Variants in NTNG1 observed in about 807,000 individuals in gnomAD.
The protein encoded by NTNG1 is netrin-G1.
In NTNG1, 16 loss-of-function variants were observed where a neutral mutation model predicts 54.0. The observed-to-expected ratio is 0.30, with a 90% CI of 0.20 to 0.45. NTNG1 has a LOEUF of 0.45. NTNG1 is among the 20% of genes least tolerant of loss of function. NTNG1 has a pLI of 1.00. For missense variants in NTNG1, 530 were observed against 678.7 expected, an observed-to-expected ratio of 0.78 and a Z score of 2.43; for synonymous variants, 255 against 263.1, an observed-to-expected ratio of 0.97 and a Z score of 0.30.
At position 107,190,297 on chromosome 1, in the gene NTNG1, G is replaced by A. The variant is rs575784379; in HGVS notation, c.246+41458G>A. Among the ~76,000 whole-genome samples, 84 of 152,210 alleles carry A rather than the reference G, an allele frequency of 5.5e-4. 1 individual carries two copies. The South Asian group carries it at 0.017, about 30-fold the overall frequency. Reference sequence around the variant, plus strand: ...CCACTGAATTGCACACTTGAAAGTGGTTAAGATGGTAAGTTTTATGTTGTG... The same window carrying A: ...CCACTGAATTGCACACTTGAAAGTGATTAAGATGGTAAGTTTTATGTTGTG... On this transcript the variant is annotated intron_variant, in intron 2 of 7. Transcript: ENST00000370068.
Position 107,460,887 on chromosome 1 carries a change from A to T in NTNG1, c.1391-19724A>T, listed in dbSNP as rs1210197249. ...GTGTACTGGGCTGCTAATGGTGTTC[A>T]GTAGTTGTCATCGGGTCTTAGAGCC... is the stretch of plus-strand genomic sequence containing the variant. On this transcript the variant is annotated intron_variant, in intron 7 of 7. Transcript: ENST00000370068. Among the ~76,000 whole-genome samples the T allele has an allele frequency of 2.6e-5, 4 of 152,188 alleles. No individual in the cohort carries two copies. In the East Asian group the frequency reaches 7.7e-4, roughly 29 times the overall value.
intron 2 of NTNG1, among the ~76,000 whole-genome samples, chr1:107,211,423 G>A (rs187460018): frequency 1.1e-3 from 160 of 152,176 alleles, no homozygotes; most frequent in African/African-American, 3.7e-3. Context: ...ATATAGAGCA[G>A]CATTTCCAAT....
intron 2 of NTNG1, among the ~76,000 whole-genome samples, chr1:107,283,940 A>G (rs1219517508): frequency 6.6e-6 from 1 of 152,138 alleles, no homozygotes; most frequent in Non-Finnish European, 1.5e-5. Context: ...CTACTGATTC[A>G]GTTTTTATGC....
chr1:107,451,083 A>G (rs1207671207), intron 7 of NTNG1, among the ~76,000 whole-genome samples: 1 of 148,292 alleles, frequency 6.7e-6, no homozygotes, highest in Non-Finnish European at 1.5e-5. Flanking sequence ...CTCAATTCTC[A>G]ATTCCCTTTT....
At chr1:107,280,832 A>T (rs1475669914) in intron 2 of NTNG1, among the ~76,000 whole-genome samples, 3 of 151,370 alleles carry the variant, frequency 2.0e-5, no homozygotes, top group African/African-American at 7.3e-5. Flanking sequence ...TATTTAATTT[A>T]TTTCACAAAC....
intron 2 of NTNG1, among the ~76,000 whole-genome samples, chr1:107,305,150 G>A (rs1207126600): frequency 2.0e-5 from 3 of 152,064 alleles, no homozygotes; most frequent in African/African-American, 7.2e-5. Flanking sequence ...TGGGCATTTG[G>A]GTTGGTTCCA....
intron 3 of NTNG1, among the ~76,000 whole-genome samples, chr1:107,342,794 G>A (rs1033155090): frequency 1.3e-5 from 2 of 151,950 alleles, no homozygotes; most frequent in African/African-American, 4.8e-5. Flanking sequence ...TCCTATAGAG[G>A]TGTCATACCA....
intron 2 of NTNG1, among the ~76,000 whole-genome samples, chr1:107,153,776 A>G (rs1225777591): frequency 2.0e-5 from 3 of 152,154 alleles, no homozygotes; most frequent in Non-Finnish European, 4.4e-5. Context: ...AGGACTCTAT[A>G]GCATCTCCAG....
chr1:107,236,628 C>T (rs1029182913), intron 2 of NTNG1, among the ~76,000 whole-genome samples: 1 of 152,168 alleles, frequency 6.6e-6, no homozygotes, highest in African/African-American at 2.4e-5. Flanking sequence ...CTTCAATTCC[C>T]ATGTGTTGTG....
At chr1:107,248,940 G>A (rs938440777) in intron 2 of NTNG1, among the ~76,000 whole-genome samples, 1 of 150,762 alleles carries the variant, frequency 6.6e-6, no homozygotes, top group Non-Finnish European at 1.5e-5. Context: ...TCTGAGGTCA[G>A]GAGTTCAAGA....
rs1288709669 is a variant in NTNG1, at chr1:107,339,170, GC to G, written c.887+14250del. The stretch of plus-strand genomic sequence containing the variant: ...ATAACCCTTCCTGGTTCAAAGCTAG[GC>G]CTCCAGCTCCACTAGGGGCTCTCAA... On this transcript the variant is annotated intron_variant, in intron 3 of 7. Transcript: ENST00000370068. Among the ~76,000 whole-genome samples, 14 of 152,116 alleles carry G rather than the reference GC, an allele frequency of 9.2e-5. 1 individual carries two copies. In the East Asian group the frequency reaches 1.9e-3, roughly 21 times the overall value.
At chr1:107,429,378 C>A (rs1393356049) in intron 5 of NTNG1, among the ~76,000 whole-genome samples, 1 of 152,134 alleles carries the variant, frequency 6.6e-6, no homozygotes, top group East Asian at 1.9e-4. Flanking sequence ...AAGTTAGCCA[C>A]CTCTTATTAT....
At chr1:107,444,939 T>C (rs1035220492) in intron 7 of NTNG1, among the ~76,000 whole-genome samples, 4 of 152,156 alleles carry the variant, frequency 2.6e-5, no homozygotes, top group Non-Finnish European at 5.9e-5. Flanking sequence ...AATGAGTGTA[T>C]GTGTGAGTGT....
intron 2 of NTNG1, among the ~76,000 whole-genome samples, chr1:107,252,298 C>T (rs1046201147): frequency 4.6e-5 from 7 of 152,180 alleles, no homozygotes; most frequent in African/African-American, 1.7e-4. Context: ...TTGCTACTTG[C>T]TAATTGTATG....
chr1:107,255,546 C>T (rs1005976676), intron 2 of NTNG1, among the ~76,000 whole-genome samples: 1 of 152,154 alleles, frequency 6.6e-6, no homozygotes, highest in Admixed American at 6.5e-5. Context: ...AGCTGAAACT[C>T]GATGAGAATT....
intron 2 of NTNG1, among the ~76,000 whole-genome samples, chr1:107,281,504 G>T (rs1021561472): frequency 6.6e-6 from 1 of 152,184 alleles, no homozygotes; most frequent in Admixed American, 6.6e-5. Context: ...TCACAAATGT[G>T]TTAAGAGTTG....
chr1:107,155,837 G>A (rs1213057603), intron 2 of NTNG1, among the ~76,000 whole-genome samples: 1 of 152,140 alleles, frequency 6.6e-6, no homozygotes, highest in African/African-American at 2.4e-5. Flanking sequence ...TTATACTACA[G>A]AGGTCTCATG....
intron 3 of NTNG1, among the ~76,000 whole-genome samples, chr1:107,393,666 T>C (rs1316540966): frequency 2.6e-5 from 4 of 151,702 alleles, no homozygotes; most frequent in Non-Finnish European, 5.9e-5. Context: ...TAGATGGTGA[T>C]TGCTTTAGGA....
chr1:107,266,761 C>A (rs1570538761), intron 2 of NTNG1, among the ~76,000 whole-genome samples: 1 of 151,556 alleles, frequency 6.6e-6, no homozygotes. Flanking sequence ...TATGTGTGGA[C>A]TGCTTTCAGA....
Sources: gnomAD v4.1 joint callset for allele counts (sites outside exome capture counted in the v4.1 genomes callset) on GRCh38, gnomAD v4.1.1 for gene constraint, MANE v1.5 for transcripts, NCBI Gene and HGNC (gene_info 2026-07-23, HGNC 2026-07-21) for gene names.